Variants in MUC12 observed in about 807,000 individuals in gnomAD.
MUC12 encodes the protein mucin 12, cell surface associated.
A neutral mutation model predicts 230.8 loss-of-function variants in MUC12; 172 were observed. The observed-to-expected ratio is 0.75, with a 90% CI of 0.66 to 0.85. The LOEUF (loss-of-function observed/expected upper bound fraction) is 0.85. Among genes scored for constraint, MUC12 ranks in the 40% least tolerant of loss-of-function variants. The pLI is 0.00. For missense variants in MUC12, 3,506 were observed against 5,920.6 expected, an observed-to-expected ratio of 0.59 and a Z score of 13.38; for synonymous variants, 1,259 against 2,401.9, an observed-to-expected ratio of 0.52 and a Z score of 13.91.
chr7:100,991,795 GC>G lies in MUC12; in HGVS notation c.1233del (p.Tyr412ThrfsTer101). 2 of 1,537,806 alleles carry G rather than the reference GC, an allele frequency of 1.3e-6. No homozygotes were observed. Among genetic ancestry groups the G allele is most frequent in the Non-Finnish European group, 1.7e-6 (2 of 1,147,050 alleles). On this transcript the variant is annotated frameshift_variant, in exon 2 of 12. Transcript: ENST00000536621. LOFTEE classifies it high-confidence loss of function. ...PSTTAALAHT[S>X]YHSSLGSTET... ...ACCACAGCTGCCCTAGCACATACAA[GC>G]TACCACAGCAGCCTGGGCTCAACTG...
intron 1 of MUC12, among the ~76,000 whole-genome samples, chr7:100,976,597 CT>C (rs200153564): frequency 0.012 from 1,035 of 86,000 alleles, 11 homozygotes; most frequent in African/African-American, 0.042. Context: ...GAGCGAGACT[CT>C]TTATAAAAAA....
rs1303152244 is a variant in MUC12, at chr7:100,990,677, C to G, written c.114C>G (p.Ser38=). 1.3e-6 allele frequency: 2 copies of G among 1,537,618 alleles called. No homozygotes were observed. Among genetic ancestry groups the G allele is most frequent in the African/African-American group, 2.7e-5 (2 of 73,034 alleles). Residue 38 remains serine, a synonymous_variant, in exon 2 of 12, where the codon TCC becomes TCG. Transcript: ENST00000536621. ...TSIGGNTTSA[S]TPSSSDPFTT... ...TTGGAGGTAATACAACTTCTGCATC[C>G]ACACCCAGTTCAAGCGACCCTTTTA... is the stretch of plus-strand genomic sequence containing the variant.
Position 101,018,798 on chromosome 7 carries a change from C to A in MUC12, c.*162C>A. On this transcript the variant is annotated 3_prime_UTR_variant, in exon 12 of 12. Coordinates refer to ENST00000536621, the MANE Select transcript of MUC12 (RefSeq NM_001164462.2). ...CTTGGCCAGTCCCCTGCCTGTGCTC[C>A]TGCTGGGGAAGGCTGGGGGCTGTAA... 1.5e-6 allele frequency: 1 copy of A among 665,726 alleles called. No individual in the cohort carries two copies. Among genetic ancestry groups the A allele is most frequent in the Non-Finnish European group, 2.3e-6 (1 of 427,612 alleles). 41.2% of individuals were successfully genotyped at this position (665,726 alleles called of 1,614,324 possible). A position where few individuals can be genotyped will look rare whatever the true frequency, so the allele number is the denominator to read the frequency against.
Position 101,005,089 on chromosome 7 carries a change from A to T in MUC12, c.14526A>T (p.Thr4842=), listed in dbSNP as rs141336910. The T allele has an allele frequency of 5.9e-5, 90 of 1,537,906 alleles. 1 individual carries two copies. In the African/African-American group the frequency reaches 1.0e-3, roughly 17 times the overall value. ...CAACAGTGTCACCTGCCAGCACCAC[A>T]GTGCCAGGCCTTAGTGAGGAATCTA... ...ALSTVSPAST[T]VPGLSEESTT... Residue 4842 remains threonine (T), a synonymous_variant, in exon 2 of 12, where the codon ACA becomes ACT. Coordinates refer to ENST00000536621, the MANE Select transcript of MUC12 (RefSeq NM_001164462.2).
In MUC12 at chr7:100,995,678, C is replaced by G. The variant is rs1356151150; in HGVS notation, c.5115C>G (p.Thr1705=). ...SKDTMPAPPT[T]TSAFVELSTT... Reference sequence around the variant, plus strand: ...ACACTATGCCTGCACCTCCTACTACCACATCAGCCTTTGTTGAGCTATCTA... The same window carrying G: ...ACACTATGCCTGCACCTCCTACTACGACATCAGCCTTTGTTGAGCTATCTA... The change falls in exon 2 of 12, where the codon ACC becomes ACG. Residue 1705 remains threonine, a synonymous_variant. Coordinates refer to ENST00000536621, the MANE Select transcript of MUC12 (RefSeq NM_001164462.2). 2.0e-6 allele frequency: 3 copies of G among 1,537,128 alleles called. No individual in the cohort carries two copies. Among genetic ancestry groups the G allele is most frequent in the Non-Finnish European group, 2.6e-6 (3 of 1,147,068 alleles).
intron 1 of MUC12, among the ~76,000 whole-genome samples, chr7:100,990,287 C>T (rs866274164): frequency 6.6e-6 from 1 of 152,232 alleles, no homozygotes; most frequent in Non-Finnish European, 1.5e-5. Flanking sequence ...GGGATTTAGG[C>T]TGCACCCCCT....
At chr7:101,016,495 T>C (rs1793923123) in intron 10 of MUC12, among the ~76,000 whole-genome samples, 1 of 152,056 alleles carries the variant, frequency 6.6e-6, no homozygotes, top group South Asian at 2.1e-4. Flanking sequence ...TAGTAGAGAC[T>C]GTAGAGACAG....
chr7:101,011,782 T>C (rs1463832418), intron 5 of MUC12, among the ~76,000 whole-genome samples: 11 of 152,120 alleles, frequency 7.2e-5, no homozygotes, highest in Admixed American at 6.5e-4. Flanking sequence ...TGTTTCTCCA[T>C]TTGTCTGTTG....
chr7:100,982,630 T>C (rs749828605), intron 1 of MUC12, among the ~76,000 whole-genome samples: 10 of 151,964 alleles, frequency 6.6e-5, no homozygotes, highest in African/African-American at 1.4e-4. Context: ...GGTCTCATTA[T>C]ATTGCCCAGA....
In MUC12 at chr7:100,991,011, A is replaced by G; in HGVS notation, c.448A>G (p.Thr150Ala). Reference protein sequence around the residue: ...FYSSPRSPDRTLSPARTTSSG... With the variant: ...FYSSPRSPDRALSPARTTSSG... Reference sequence around the variant, plus strand: ...CAGTAGCCCCAGATCACCAGACAGAACACTCTCACCTGCCCGCACGACAAG... The same window carrying G: ...CAGTAGCCCCAGATCACCAGACAGAGCACTCTCACCTGCCCGCACGACAAG... The change falls in exon 2 of 12, where the codon ACA becomes GCA. Residue 150 changes from threonine to alanine, a missense_variant. Physicochemically the swap from Thr to Ala is moderately conservative, Grantham distance 58. Transcript: ENST00000536621. The G allele has an allele frequency of 1.3e-6, 2 of 1,537,872 alleles. No individual in the cohort carries two copies. Among genetic ancestry groups the G allele is most frequent in the South Asian group, 2.4e-5 (2 of 84,054 alleles).
Position 101,012,432 on chromosome 7 carries a change from C to A in MUC12, c.15388C>A (p.Pro5130Thr). 2 of 1,537,860 alleles carry A rather than the reference C, an allele frequency of 1.3e-6. No homozygotes were observed. Among genetic ancestry groups the A allele is most frequent in the Non-Finnish European group, 1.7e-6 (2 of 1,147,032 alleles). Residue 5130 changes from proline to threonine, a missense_variant, in exon 6 of 12, where the codon CCT becomes ACT. Coordinates refer to ENST00000536621, the MANE Select transcript of MUC12 (RefSeq NM_001164462.2). ...MNETRTTLLD[P>T]DSCRKAILCY... ...TGAAACTAGAACAACTCTTCTTGAT[C>A]CTGATTCCTGCAGAAGTAAGCTCAC... is the stretch of plus-strand genomic sequence containing the variant.
chr7:100,990,692 C>T lies in MUC12; in HGVS notation c.129C>T (p.Ser43=), dbSNP rs572394250. Reference sequence around the variant, plus strand: ...CTTCTGCATCCACACCCAGTTCAAGCGACCCTTTTACCACCTTTAGTGACT... The same window carrying T: ...CTTCTGCATCCACACCCAGTTCAAGTGACCCTTTTACCACCTTTAGTGACT... ...NTTSASTPSS[S]DPFTTFSDYG... The change falls in exon 2 of 12, where the codon AGC becomes AGT. Residue 43 remains serine, a synonymous_variant. Transcript: ENST00000536621. The T allele has an allele frequency of 2.3e-5, 35 of 1,537,852 alleles. No homozygotes were observed. The highest frequency in any genetic ancestry group is 1.7e-4 in the East Asian group (7 of 40,920).
At chr7:100,984,289 C>T (rs1793154391) in intron 1 of MUC12, among the ~76,000 whole-genome samples, 1 of 148,460 alleles carries the variant, frequency 6.7e-6, no homozygotes, top group Non-Finnish European at 1.5e-5. Context: ...CAGAGTCTCG[C>T]TGTGTCACCC....
chr7:100,995,506 C>G lies in MUC12; in HGVS notation c.4943C>G (p.Pro1648Arg), dbSNP rs1283426322. The stretch of plus-strand genomic sequence containing the variant: ...GGCTCCACTGAAACAACACTCTTAC[C>G]TGACAACACCACAGCCTCAGGCCTC... Reference protein sequence around the residue: ...SPGSTETTLLPDNTTASGLLE... With the variant: ...SPGSTETTLLRDNTTASGLLE... The change falls in exon 2 of 12, where the codon CCT (proline) becomes CGT (arginine). Residue 1648 changes from proline (P) to arginine (R), a missense_variant. Coordinates refer to ENST00000536621, the MANE Select transcript of MUC12 (RefSeq NM_001164462.2). 1.7e-5 allele frequency: 26 copies of G among 1,535,684 alleles called. No homozygotes were observed. The Admixed American group carries it at 4.7e-4, about 28-fold the overall frequency.
At chr7:101,017,270 A>G in intron 10 of MUC12, 2 of 309,888 alleles carry the variant, frequency 6.5e-6, no homozygotes, top group Non-Finnish European at 1.2e-5. Context: ...CTCCCGCTCC[A>G]CTCTGACCTC....
chr7:100,978,240 A>C (rs1289388300), intron 1 of MUC12, among the ~76,000 whole-genome samples: 4 of 152,152 alleles, frequency 2.6e-5, no homozygotes, highest in Non-Finnish European at 4.4e-5. Flanking sequence ...ATCCACCGCC[A>C]TTGGTGTGTG....
chr7:101,018,554 G>T, intron 11 of MUC12, 41 bp from the exon 12 acceptor site: 1 of 1,533,858 alleles, frequency 6.5e-7, no homozygotes, highest in Non-Finnish European at 8.7e-7. Flanking sequence ...CCCTTTCCCG[G>T]GTCTGCCCCT....
Position 100,992,544 on chromosome 7 carries a change from TC to T in MUC12, c.1984del (p.His662ThrfsTer119). The T allele has an allele frequency of 1.3e-6, 2 of 1,537,966 alleles. No individual in the cohort carries two copies. The highest frequency in any genetic ancestry group is 8.7e-7 in the Non-Finnish European group (1 of 1,147,082). ...AGCCTTTGTTGAGCCATCTACAACCTCCCACGGCAGCCCGAGCTCAATTCCA... is the reference window on the plus strand; with the variant it reads ...AGCCTTTGTTGAGCCATCTACAACCTCCACGGCAGCCCGAGCTCAATTCCA... ...TSAFVEPSTT[S>X]HGSPSSIPTT... is the part of the protein sequence containing the mutation. On this transcript the variant is annotated frameshift_variant, in exon 2 of 12. Coordinates refer to ENST00000536621, the MANE Select transcript of MUC12 (RefSeq NM_001164462.2). LOFTEE classifies it high-confidence loss of function.
chr7:101,017,569 C>G lies in MUC12; in HGVS notation c.15878-6C>G, dbSNP rs1186397650. 1 of 1,533,384 alleles carries G rather than the reference C, an allele frequency of 6.5e-7. No homozygotes were observed. Among genetic ancestry groups the G allele is most frequent in the East Asian group, 2.4e-5 (1 of 40,860 alleles). 95.0% of individuals were successfully genotyped at this position (1,533,384 alleles called of 1,614,324 possible). On this transcript the variant is annotated splice_region_variant and splice_polypyrimidine_tract_variant and intron_variant, in intron 10 of 11. Transcript: ENST00000536621. ...TCCCATCACTCATCACGGCCTCTCC[C>G]TACAGACCAGAATCTGAGGGAGAGC...
Sources: allele counts gnomAD v4.1 joint callset (sites outside exome capture counted in the v4.1 genomes callset), GRCh38; gene constraint gnomAD v4.1.1; transcripts MANE v1.5; gene names NCBI Gene and HGNC (gene_info 2026-07-23, HGNC 2026-07-21).